The following LRRC37A2 variants were observed in gnomAD, a reference collection of about 807,000 sequenced individuals.
The protein encoded by LRRC37A2 is leucine rich repeat containing 37 member A2, also known as leucine-rich repeat-containing protein 37A2.
In LRRC37A2, 9 loss-of-function variants were observed where a neutral mutation model predicts 68.8. That is an observed-to-expected ratio of 0.13 (90% CI 0.08 to 0.23). The LOEUF is 0.23. LRRC37A2 is among the 10% of genes least tolerant of loss of function. The pLI, the probability that LRRC37A2 is intolerant of heterozygous loss-of-function variation, is 1.00. For synonymous variants in LRRC37A2, 63 were observed against 367.6 expected (o/e 0.17, Z 9.48); for missense variants, 168 against 950.4 (o/e 0.18, Z 10.82).
chr17:46,907,749 G>T, the LRRC37A2 span, among the ~76,000 whole-genome samples: 8 of 148,760 alleles, frequency 5.4e-5, no homozygotes, highest in Non-Finnish European at 7.6e-5. Flanking sequence ...CTACTCAGCG[G>T]GGGGGGTGAG....
the LRRC37A2 span, among the ~76,000 whole-genome samples, chr17:46,782,701 C>T: frequency 6.6e-6 from 1 of 152,326 alleles, no homozygotes; most frequent in Non-Finnish European, 1.5e-5. Context: ...CAACTACACC[C>T]ATAGTGACGA....
the LRRC37A2 span, among the ~76,000 whole-genome samples, chr17:46,880,399 T>C: frequency 2.0e-5 from 3 of 152,230 alleles, no homozygotes; most frequent in African/African-American, 7.2e-5. Context: ...TTATGTCCAT[T>C]TATTCAACCA....
the LRRC37A2 span, among the ~76,000 whole-genome samples, chr17:46,497,984 A>G: frequency 6.7e-6 from 1 of 149,466 alleles, no homozygotes; most frequent in African/African-American, 2.6e-5. Flanking sequence ...GCTGGAGTGC[A>G]GTGGCACGAT....
chr17:46,788,552 T>C, the LRRC37A2 span, among the ~76,000 whole-genome samples: 1 of 152,228 alleles, frequency 6.6e-6, no homozygotes, highest in East Asian at 1.9e-4. Flanking sequence ...CCCCTTTTAA[T>C]GTCTCCAATT....
At chr17:46,879,882 G>T in the LRRC37A2 span, among the ~76,000 whole-genome samples, 1 of 152,204 alleles carries the variant, frequency 6.6e-6, no homozygotes, top group Non-Finnish European at 1.5e-5. Context: ...GCCTGAGAAG[G>T]CTGGAGAGAC....
At chr17:46,851,645 C>A in the LRRC37A2 span, 1 of 1,280,140 alleles carries the variant, frequency 7.8e-7, no homozygotes, top group Non-Finnish European at 9.8e-7. The surrounding 1 kb of genome is among the most constrained non-coding windows in gnomAD (Gnocchi z 4.3). Context: ...CACCATGCGC[C>A]CCCCGCCCGC....
the LRRC37A2 span, among the ~76,000 whole-genome samples, chr17:47,000,211 T>C: frequency 6.7e-6 from 1 of 149,020 alleles, no homozygotes. Context: ...TGGCTCAATG[T>C]ATGTTGACAA....
the LRRC37A2 span, among the ~76,000 whole-genome samples, chr17:46,880,710 C>T: frequency 1.3e-5 from 2 of 152,156 alleles, no homozygotes; most frequent in Non-Finnish European, 2.9e-5. Flanking sequence ...TCCTGGCCTC[C>T]AAAGTATGGG....
the LRRC37A2 span, among the ~76,000 whole-genome samples, chr17:46,907,137 G>T: frequency 4.6e-5 from 7 of 152,294 alleles, no homozygotes; most frequent in East Asian, 1.3e-3. Context: ...ATGAAGGGAA[G>T]AGGGGCTTAG....
At chr17:47,048,447 G>C in the LRRC37A2 span, among the ~76,000 whole-genome samples, 2 of 127,404 alleles carry the variant, frequency 1.6e-5, no homozygotes, top group African/African-American at 5.6e-5. Context: ...CTCAAGTAAT[G>C]TTTATCCAGA....
the LRRC37A2 span, among the ~76,000 whole-genome samples, chr17:46,824,398 G>A: frequency 3.3e-5 from 5 of 152,248 alleles, no homozygotes; most frequent in South Asian, 2.1e-4. Flanking sequence ...ACAGGCGCTC[G>A]CCACCATGCC....
the LRRC37A2 span, among the ~76,000 whole-genome samples, chr17:46,803,283 C>T: frequency 1.3e-5 from 2 of 152,220 alleles, no homozygotes; most frequent in East Asian, 3.8e-4. Flanking sequence ...CCTGTAATCC[C>T]AGCACTTTCG....
At chr17:46,881,933 C>A in the LRRC37A2 span, among the ~76,000 whole-genome samples, 1 of 152,142 alleles carries the variant, frequency 6.6e-6, no homozygotes, top group East Asian at 1.9e-4. Context: ...GTAACATTGA[C>A]AAAAATTATC....
the LRRC37A2 span, among the ~76,000 whole-genome samples, chr17:46,912,150 C>T: frequency 1.3e-5 from 2 of 152,172 alleles, no homozygotes; most frequent in African/African-American, 2.4e-5. Flanking sequence ...TCCTGCTGTC[C>T]CAAGGATGTG....
At chr17:46,503,163 G>C in the LRRC37A2 span, among the ~76,000 whole-genome samples, 1 of 142,384 alleles carries the variant, frequency 7.0e-6, no homozygotes, top group South Asian at 2.2e-4. Context: ...AGTGAGCCGA[G>C]ATCATGCCAC....
chr17:46,821,312 C>T, the LRRC37A2 span: 4 of 152,264 alleles, frequency 2.6e-5, no homozygotes, highest in African/African-American at 4.8e-5. Context: ...CTTGAAAGCT[C>T]CTCAGACAAG....
chr17:46,717,816 G>A, the LRRC37A2 span, among the ~76,000 whole-genome samples: 3 of 152,134 alleles, frequency 2.0e-5, no homozygotes, highest in South Asian at 4.1e-4. Flanking sequence ...ACAAGGTGAC[G>A]GAAATCACGC....
At chr17:46,905,030 T>C in the LRRC37A2 span, among the ~76,000 whole-genome samples, 5 of 152,188 alleles carry the variant, frequency 3.3e-5, no homozygotes, top group African/African-American at 1.2e-4. Context: ...AGTTTCTACA[T>C]TGGATAAAGG....
At chr17:46,760,792 C>T in the LRRC37A2 span, among the ~76,000 whole-genome samples, 1 of 152,162 alleles carries the variant, frequency 6.6e-6, no homozygotes, top group Non-Finnish European at 1.5e-5. Flanking sequence ...GAAAATTCCA[C>T]ACCTGACCTT....
Sources: gnomAD v4.1 joint callset for allele counts (sites outside exome capture counted in the v4.1 genomes callset) on GRCh38, gnomAD v4.1.1 for gene constraint, Gnocchi (gnomAD v3.1) non-coding constraint, MANE v1.5 for transcripts, NCBI Gene and HGNC (gene_info 2026-07-23, HGNC 2026-07-21) for gene names.